The following KAZN variants were observed in gnomAD, a reference collection of about 807,000 sequenced individuals.
KAZN encodes the protein kazrin, periplakin interacting protein, also known as kazrin.
Under a neutral mutation model 87.4 loss-of-function variants are expected in KAZN, and 40 were observed. The observed-to-expected ratio is 0.46, with a 90% CI of 0.36 to 0.60. The LOEUF is 0.60. Among genes scored for constraint, KAZN ranks in the 20% least tolerant of loss-of-function variants. The probability of loss-of-function intolerance (pLI) is 0.00; values close to 1 mark genes in which losing one functional copy is unlikely to be tolerated. For missense variants in KAZN, 898 were observed against 1,073.9 expected (o/e 0.84, Z 2.29); for synonymous variants, 466 against 458.3 (o/e 1.02, Z -0.22).
intron 4 of KAZN, among the ~76,000 whole-genome samples, chr1:15,044,943 A>G (rs892642297): frequency 9.2e-5 from 14 of 151,992 alleles, no homozygotes; most frequent in Admixed American, 3.3e-4. Flanking sequence ...GAAACAAATA[A>G]TTTTTTCCTA....
chr1:14,338,064 C>T lies in KAZN; in HGVS notation c.249+157472C>T, dbSNP rs75447258. Among the ~76,000 whole-genome samples, 1,269 of 152,160 alleles carry T rather than the reference C, an allele frequency of 8.3e-3. 18 individuals are homozygous for T. The highest frequency in any genetic ancestry group is 0.029 in the African/African-American group (1,189 of 41,512). ...ACCAAATCATTCTGGTGAGAATGGA[C>T]CCCTTCCCACCCTCCAGAGAGAGAA... On this transcript the variant is annotated intron_variant, in intron 2 of 16. Transcript: ENST00000636203.
chr1:14,253,010 G>T (rs1177384574), intron 2 of KAZN, among the ~76,000 whole-genome samples: 1 of 151,962 alleles, frequency 6.6e-6, no homozygotes, highest in Non-Finnish European at 1.5e-5. Flanking sequence ...GGAAGTAGTG[G>T]GTGTCCTGTC....
chr1:14,798,109 G>T (rs1279974091), intron 1 of KAZN, among the ~76,000 whole-genome samples: 1 of 152,144 alleles, frequency 6.6e-6, no homozygotes, highest in Non-Finnish European at 1.5e-5. Flanking sequence ...TCAAACTCAC[G>T]CATGACACCT....
Position 15,065,711 on chromosome 1 carries a change from A to C in KAZN, c.1180A>C (p.Arg394=). The C allele has an allele frequency of 6.2e-7, 1 of 1,614,266 alleles. No homozygotes were observed. Among genetic ancestry groups the C allele is most frequent in the Non-Finnish European group, 8.5e-7 (1 of 1,180,048 alleles). The change falls in exon 8 of 15, where the codon AGA becomes CGA. Residue 394 remains arginine (R), a synonymous_variant. Transcript: ENST00000376030. ...CGGCTCCATCTCCCGCGTCTTCGCC[A>C]GAGGGAAGCAGCGGAAGTCCCTCGA... ...GFGSISRVFA[R]GKQRKSLDPG... is the part of the protein sequence containing the mutation.
intron 1 of KAZN, among the ~76,000 whole-genome samples, chr1:14,816,786 A>T (rs1363951947): frequency 6.6e-6 from 1 of 152,220 alleles, no homozygotes; most frequent in Non-Finnish European, 1.5e-5. Flanking sequence ...ATATTTATCT[A>T]AATAGATAGA....
At chr1:14,269,611 G>T (rs1386374260) in intron 2 of KAZN, among the ~76,000 whole-genome samples, 1 of 152,186 alleles carries the variant, frequency 6.6e-6, no homozygotes, top group African/African-American at 2.4e-5. Context: ...GTTGGAGAAA[G>T]AAAGCTGCAA....
intron 2 of KAZN, among the ~76,000 whole-genome samples, chr1:14,522,320 T>C (rs1009301299): frequency 3.9e-5 from 6 of 152,196 alleles, no homozygotes; most frequent in Admixed American, 2.0e-4. Flanking sequence ...CTCTGAGACC[T>C]ACATGTGATT....
chr1:14,751,820 T>C (rs4661522), intron 1 of KAZN, among the ~76,000 whole-genome samples: 27,479 of 152,180 alleles, frequency 0.18, 3,159 homozygotes, highest in Non-Finnish European at 0.26. Flanking sequence ...TAGACTGGCA[T>C]AGGATCCTTC....
chr1:14,483,749 G>A (rs1053017985), intron 2 of KAZN, among the ~76,000 whole-genome samples: 2 of 152,056 alleles, frequency 1.3e-5, no homozygotes, highest in African/African-American at 4.8e-5. Flanking sequence ...TTCCTTTGCT[G>A]TACAGAGACT....
chr1:15,016,856 C>T (rs371212561), intron 2 of KAZN, among the ~76,000 whole-genome samples: 5 of 152,172 alleles, frequency 3.3e-5, no homozygotes, highest in African/African-American at 9.7e-5. Context: ...TCACAGACCA[C>T]GCCACCGGCG....
chr1:13,945,806 G>T (rs1428251182), intron 1 of KAZN, among the ~76,000 whole-genome samples: 1 of 151,932 alleles, frequency 6.6e-6, no homozygotes. Context: ...GGTGAACTGG[G>T]ATATTGGAAT....
At chr1:14,195,995 G>A (rs1188841997) in intron 2 of KAZN, among the ~76,000 whole-genome samples, 1 of 152,036 alleles carries the variant, frequency 6.6e-6, no homozygotes, top group Admixed American at 6.6e-5. Flanking sequence ...AATATATGTA[G>A]GGTGGTCCAA....
chr1:14,244,530 G>A (rs1001975038), intron 2 of KAZN, among the ~76,000 whole-genome samples: 1 of 152,178 alleles, frequency 6.6e-6, no homozygotes, highest in African/African-American at 2.4e-5. Flanking sequence ...GCCTCAAGGA[G>A]CTGAGGTTCT....
chr1:14,419,599 G>A (rs765738059), intron 2 of KAZN, among the ~76,000 whole-genome samples: 5 of 152,160 alleles, frequency 3.3e-5, no homozygotes, highest in Non-Finnish European at 4.4e-5. Flanking sequence ...CGATTTGAGT[G>A]TTACAGTTCT....
At chr1:14,098,115 G>A (rs1365181302) in intron 1 of KAZN, among the ~76,000 whole-genome samples, 3 of 152,078 alleles carry the variant, frequency 2.0e-5, no homozygotes, top group Non-Finnish European at 4.4e-5. Context: ...CTCCCAGCCA[G>A]CAAAGGGCTG....
intron 1 of KAZN, among the ~76,000 whole-genome samples, chr1:14,012,223 T>C (rs565514715): frequency 3.3e-5 from 5 of 152,242 alleles, no homozygotes; most frequent in Non-Finnish European, 7.3e-5. Flanking sequence ...CCAGGAGCTG[T>C]GCCCCATTTT....
intron 2 of KAZN, among the ~76,000 whole-genome samples, chr1:14,304,261 T>C (rs1654765609): frequency 6.6e-6 from 1 of 152,244 alleles, no homozygotes; most frequent in South Asian, 2.1e-4. Context: ...CACCTACCGA[T>C]GTTCAACTTT....
chr1:14,443,355 A>G (rs925059952), intron 2 of KAZN, among the ~76,000 whole-genome samples: 1 of 152,246 alleles, frequency 6.6e-6, no homozygotes, highest in Non-Finnish European at 1.5e-5. Flanking sequence ...AGTTCCAGCC[A>G]GCAGTCTACC....
At chr1:14,713,518 G>A (rs1642599855) in intron 1 of KAZN, among the ~76,000 whole-genome samples, 1 of 151,950 alleles carries the variant, frequency 6.6e-6, no homozygotes, top group South Asian at 2.1e-4. Context: ...AGATATTTTT[G>A]GTTATCACAA....
Sources: allele counts gnomAD v4.1 joint callset (sites outside exome capture counted in the v4.1 genomes callset), GRCh38; gene constraint gnomAD v4.1.1; transcripts MANE v1.5; gene names NCBI Gene and HGNC (gene_info 2026-07-23, HGNC 2026-07-21).